RMND1: variants seen among roughly 807,000 people sequenced by gnomAD.
RMND1 encodes required for meiotic nuclear division 1 homolog.
A neutral mutation model predicts 54.0 loss-of-function variants in RMND1; 41 were observed. The observed-to-expected ratio is 0.76, with a 90% CI of 0.59 to 0.98. RMND1 has a LOEUF of 0.98. Among genes scored for constraint, RMND1 ranks in the 50% least tolerant of loss-of-function variants. RMND1 has a pLI of 0.00. For missense variants in RMND1, 457 were observed against 532.0 expected, an observed-to-expected ratio of 0.86 and a Z score of 1.39; for synonymous variants, 183 against 181.7, an observed-to-expected ratio of 1.01 and a Z score of -0.06.
Position 151,405,780 on chromosome 6 carries a change from G to C in RMND1, c.1257C>G (p.His419Gln). 3 of 1,612,758 alleles carry C rather than the reference G, an allele frequency of 1.9e-6. No homozygotes were observed. The highest frequency in any genetic ancestry group is 2.5e-6 in the Non-Finnish European group (3 of 1,178,908). Residue 419 changes from histidine to glutamine, a missense_variant, in exon 11 of 12, where the codon CAC becomes CAG. Physicochemically the swap from His to Gln is conservative, Grantham distance 24. Transcript: ENST00000444024. ...CMELTDLMRN[H>Q]LNEKRALRLE... ...AGCGGAGTGCCCTCTTCTCATTCAG[G>C]TGATTCCGCATTAGATCTGTTAGTT...
chr6:151,411,318 A>G (rs1277430413), intron 10 of RMND1: 1 of 152,252 alleles, frequency 6.6e-6, no homozygotes, highest in Non-Finnish European at 1.5e-5. Context: ...GACTGGTGAT[A>G]TGTCTGGGTG....
chr6:151,411,727 C>T (rs1050603160), intron 10 of RMND1: 2 of 152,180 alleles, frequency 1.3e-5, no homozygotes, highest in Admixed American at 1.3e-4. Context: ...TTAACGTTCT[C>T]GTCTAAGCTG....
At chr6:151,428,371 G>A (rs528891852) in intron 5 of RMND1, among the ~76,000 whole-genome samples, 3 of 152,198 alleles carry the variant, frequency 2.0e-5, no homozygotes, top group Non-Finnish European at 2.9e-5. Flanking sequence ...CTTTACAGAC[G>A]AACTGCAATT....
rs185901761 is a variant in RMND1 at position 151,437,578 on chromosome 6, T to C, written c.505-1024A>G. On this transcript the variant is annotated intron_variant, in intron 2 of 11. Coordinates refer to ENST00000444024, the MANE Select transcript of RMND1 (RefSeq NM_017909.4). ...TGCTCAGGACTGTGGCTAACACAAC[T>C]GTTCAGTAGTTGTTAGATTCTAGTT... Among the ~76,000 whole-genome samples, 462 of 152,360 alleles carry C rather than the reference T, an allele frequency of 3.0e-3. 1 individual carries two copies. Among genetic ancestry groups the C allele is most frequent in the Non-Finnish European group, 5.5e-3 (374 of 68,038 alleles).
At chr6:151,411,755 C>G (rs1283016375) in intron 10 of RMND1, 1 of 152,180 alleles carries the variant, frequency 6.6e-6, no homozygotes, top group East Asian at 1.9e-4. Flanking sequence ...CGGCATTTGG[C>G]TTGCTGACAA....
intron 10 of RMND1, among the ~76,000 whole-genome samples, chr6:151,416,040 A>G (rs1033398875): frequency 1.3e-5 from 2 of 151,046 alleles, no homozygotes; most frequent in Non-Finnish European, 3.0e-5. Flanking sequence ...GTGCAATGGC[A>G]TGACCTCAGC....
At chr6:151,437,842 A>G (rs1054818982) in intron 2 of RMND1, among the ~76,000 whole-genome samples, 2 of 152,212 alleles carry the variant, frequency 1.3e-5, no homozygotes, top group African/African-American at 4.8e-5. Flanking sequence ...GTTTAAAGGT[A>G]GAGGAATAAC....
intron 10 of RMND1, chr6:151,408,738 T>A (rs1779712335): frequency 6.6e-6 from 1 of 152,144 alleles, no homozygotes; most frequent in Admixed American, 6.6e-5. Context: ...TTCAGAATGA[T>A]ACAATATGAG....
chr6:151,443,184 G>A (rs1780835099), intron 2 of RMND1, among the ~76,000 whole-genome samples: 1 of 152,148 alleles, frequency 6.6e-6, no homozygotes, highest in African/African-American at 2.4e-5. Flanking sequence ...TTCGGGCAGA[G>A]GAAAGTCAGT....
intron 4 of RMND1, among the ~76,000 whole-genome samples, chr6:151,430,713 C>T (rs762180756): frequency 1.3e-5 from 2 of 152,144 alleles, no homozygotes; most frequent in Non-Finnish European, 2.9e-5. Flanking sequence ...CCTCTGAATC[C>T]GATTATGGCT....
chr6:151,450,322 C>CGGTCT (rs536861601), intron 1 of RMND1, among the ~76,000 whole-genome samples: 14,563 of 149,246 alleles, frequency 0.098, 774 homozygotes, highest in Middle Eastern at 0.17. Flanking sequence ...GTGAGGAGAC[C>CGGTCT]CTCCGCCCGG....
At chr6:151,432,810 G>A (rs186130948) in intron 4 of RMND1, among the ~76,000 whole-genome samples, 43 of 152,164 alleles carry the variant, frequency 2.8e-4, no homozygotes, top group African/African-American at 9.6e-4. Flanking sequence ...GGGAGGTAGC[G>A]GGAGTTTCCC....
Position 151,430,137 on chromosome 6 carries a change from C to A in RMND1, c.729+1G>T, listed in dbSNP as rs754754701. The A allele has an allele frequency of 6.3e-7, 1 of 1,592,130 alleles. No individual in the cohort carries two copies. The highest frequency in any genetic ancestry group is 1.1e-5 in the South Asian group (1 of 89,500). ...ATTTTCACATTTTTATTTACACTTACAGTTTTGTCTTTCACATTCCAAAAC... is the reference window on the plus strand; with the variant it reads ...ATTTTCACATTTTTATTTACACTTAAAGTTTTGTCTTTCACATTCCAAAAC... On this transcript the variant is annotated splice_donor_variant, in intron 5 of 11. Coordinates refer to ENST00000444024, the MANE Select transcript of RMND1 (RefSeq NM_017909.4). LOFTEE classifies it high-confidence loss of function.
intron 9 of RMND1, among the ~76,000 whole-genome samples, chr6:151,419,211 C>T (rs2114932741): frequency 6.6e-6 from 1 of 151,938 alleles, no homozygotes; most frequent in Non-Finnish European, 1.5e-5. Flanking sequence ...ATTACAGGCG[C>T]ACACCACCAT....
chr6:151,420,639 T>C (rs1423554220), intron 9 of RMND1: 2 of 152,248 alleles, frequency 1.3e-5, no homozygotes, highest in Non-Finnish European at 2.9e-5. Context: ...AAATTAATGG[T>C]GTCTGACAGG....
intron 10 of RMND1, among the ~76,000 whole-genome samples, chr6:151,408,211 T>A (rs1380962557): frequency 1.3e-5 from 2 of 151,970 alleles, no homozygotes; most frequent in African/African-American, 4.8e-5. Context: ...AGAAGGTAAG[T>A]CAGCTGGGGG....
chr6:151,433,935 A>C (rs1388421721), intron 3 of RMND1, among the ~76,000 whole-genome samples: 2 of 120,890 alleles, frequency 1.7e-5, no homozygotes, highest in South Asian at 2.8e-4. Flanking sequence ...CCTGAACTCA[A>C]GGGACCCCCC....
rs551634794 is a variant in RMND1, at chr6:151,436,103, C to T, written c.613+343G>A. The stretch of plus-strand genomic sequence containing the variant: ...CTGGGCAACAAGAGTGAAACTCCAT[C>T]CCAAAAAACAAAAAAAAAAAAAACA... On this transcript the variant is annotated intron_variant, in intron 3 of 11. Coordinates refer to ENST00000444024, the MANE Select transcript of RMND1 (RefSeq NM_017909.4). 4 of 184,980 alleles carry T rather than the reference C, an allele frequency of 2.2e-5. No homozygotes were observed. In the East Asian group the frequency reaches 7.4e-4, roughly 34 times the overall value. The allele number at this position is 184,980 out of a possible 1,614,324, so 11.5% of individuals were successfully genotyped here. A position where few individuals can be genotyped will look rare whatever the true frequency, so the allele number is the denominator to read the frequency against.
intron 2 of RMND1, among the ~76,000 whole-genome samples, chr6:151,443,674 A>C (rs923980933): frequency 6.6e-6 from 1 of 152,188 alleles, no homozygotes; most frequent in African/African-American, 2.4e-5. Context: ...TGCTCTTGCC[A>C]AACTCCAACT....
Sources: allele counts gnomAD v4.1 joint callset (sites outside exome capture counted in the v4.1 genomes callset), GRCh38; gene constraint gnomAD v4.1.1; transcripts MANE v1.5; gene names NCBI Gene and HGNC (gene_info 2026-07-23, HGNC 2026-07-21).